The following NAV2 variants were observed in gnomAD, a reference collection of about 807,000 sequenced individuals.
NAV2 encodes helicase, APC down-regulated 1.
In NAV2, 54 loss-of-function variants were observed where a neutral mutation model predicts 223.2. That is an observed-to-expected ratio of 0.24 (90% CI 0.19 to 0.30). NAV2 has a LOEUF of 0.30. Ranked by LOEUF, NAV2 falls within the 10% of genes least tolerant of loss-of-function variation. The pLI is 1.00. For missense variants in NAV2, 2,806 were observed against 3,147.5 expected, an observed-to-expected ratio of 0.89 and a Z score of 2.60; for synonymous variants, 1,279 against 1,239.3, an observed-to-expected ratio of 1.03 and a Z score of -0.67.
intron 1 of NAV2, among the ~76,000 whole-genome samples, chr11:19,432,553 T>C (rs1174820645): frequency 6.6e-6 from 1 of 152,116 alleles, no homozygotes; most frequent in Admixed American, 6.5e-5. Context: ...AAAGGCGTCA[T>C]GGACAGTGAG....
chr11:20,033,817 G>A (rs1591759035), intron 11 of NAV2, among the ~76,000 whole-genome samples: 1 of 152,102 alleles, frequency 6.6e-6, no homozygotes. Context: ...GAACTTTGGG[G>A]TTATGTGTGT....
At chr11:19,438,941 T>C (rs1243621948) in intron 1 of NAV2, among the ~76,000 whole-genome samples, 1 of 152,064 alleles carries the variant, frequency 6.6e-6, no homozygotes, top group East Asian at 1.9e-4. Flanking sequence ...ATTGATTAAA[T>C]CATTGGCCAT....
intron 11 of NAV2, among the ~76,000 whole-genome samples, chr11:20,017,623 G>A (rs1367628589): frequency 6.6e-6 from 1 of 152,014 alleles, no homozygotes; most frequent in African/African-American, 2.4e-5. Context: ...CTTTTCCTCC[G>A]CCTTATATTC....
chr11:19,676,856 G>T (rs1455942782), intron 1 of NAV2, among the ~76,000 whole-genome samples: 1 of 152,154 alleles, frequency 6.6e-6, no homozygotes, highest in Non-Finnish European at 1.5e-5. Flanking sequence ...CTCTTTTTAC[G>T]GGGATAAAAG....
At chr11:19,401,110 C>T (rs1342268076) in intron 1 of NAV2, among the ~76,000 whole-genome samples, 1 of 152,192 alleles carries the variant, frequency 6.6e-6, no homozygotes, top group Non-Finnish European at 1.5e-5. Flanking sequence ...ACAATCAATG[C>T]TCTCAGTGCT....
At chr11:19,629,940 C>T (rs2047298241) in intron 1 of NAV2, among the ~76,000 whole-genome samples, 1 of 152,174 alleles carries the variant, frequency 6.6e-6, no homozygotes, top group Non-Finnish European at 1.5e-5. Context: ...TAATAATCCT[C>T]ATAAGCTGTC....
At position 19,976,207 on chromosome 11, in the gene NAV2, T is replaced by C. The variant is rs79104622; in HGVS notation, c.2646-7918T>C. ...GTGTGCACACAAATCACCTGGGGGG[T>C]TTATGGAAATGTTGAGTCTGATTTA... On this transcript the variant is annotated intron_variant, in intron 10 of 37. Coordinates refer to ENST00000349880, the MANE Select transcript of NAV2 (RefSeq NM_145117.5). 2.6e-3 allele frequency among the ~76,000 whole-genome samples: 395 copies of C among 151,628 alleles called. 3 individuals are homozygous for C. The East Asian group carries it at 0.044, about 17-fold the overall frequency.
At chr11:19,869,604 A>T (rs561652339) in intron 4 of NAV2, among the ~76,000 whole-genome samples, 1 of 152,170 alleles carries the variant, frequency 6.6e-6, no homozygotes, top group Non-Finnish European at 1.5e-5. Flanking sequence ...CTCAGACAAC[A>T]AGTCAGCCTG....
chr11:19,906,754 A>C (rs769296578), intron 6 of NAV2, among the ~76,000 whole-genome samples: 2 of 152,206 alleles, frequency 1.3e-5, no homozygotes, highest in Non-Finnish European at 1.5e-5. Context: ...TTGCTTTATG[A>C]GGCCCCTGTG....
At chr11:19,931,285 C>A (rs1355220191) in intron 6 of NAV2, among the ~76,000 whole-genome samples, 1 of 152,150 alleles carries the variant, frequency 6.6e-6, no homozygotes, top group African/African-American at 2.4e-5. Context: ...CCAACAACAC[C>A]CCTTGAGTTT....
At chr11:20,092,485 T>G in intron 28 of NAV2, 117 bp downstream of exon 28, 7 of 1,069,414 alleles carry the variant, frequency 6.5e-6, no homozygotes, top group Non-Finnish European at 8.2e-6. Context: ...AACAGGCGTG[T>G]GTGCACTTGG....
intron 1 of NAV2, among the ~76,000 whole-genome samples, chr11:19,491,955 AAGAGAGAGAGAGAG>A (rs150403869): frequency 6.6e-5 from 8 of 120,952 alleles, no homozygotes; most frequent in East Asian, 2.6e-4. Context: ...GGGAGACTCA[AAGAGAGAGAGAGAG>A]AGAGAGAGAG....
intron 1 of NAV2, among the ~76,000 whole-genome samples, chr11:19,816,535 T>C (rs184498809): frequency 1.3e-3 from 193 of 152,312 alleles, no homozygotes; most frequent in African/African-American, 4.4e-3. Flanking sequence ...CTCATTCAAT[T>C]CTTCATCTAA....
intron 6 of NAV2, among the ~76,000 whole-genome samples, chr11:19,919,299 C>T (rs1338453421): frequency 6.6e-6 from 1 of 150,858 alleles, no homozygotes; most frequent in African/African-American, 2.4e-5. Context: ...ATCTCGTAGC[C>T]ATGCACGTGG....
intron 29 of NAV2, 87 bp downstream of exon 29, chr11:20,093,286 A>G (rs1256339692): frequency 1.2e-6 from 1 of 859,586 alleles, no homozygotes; most frequent in Admixed American, 1.9e-5. Flanking sequence ...AACCTCTATC[A>G]CCTTGGAGCC....
intron 6 of NAV2, among the ~76,000 whole-genome samples, chr11:19,932,254 A>AG (rs2045428124): frequency 2.0e-5 from 3 of 149,394 alleles, no homozygotes; most frequent in Middle Eastern, 3.4e-3. Flanking sequence ...AAAAAAAAAA[A>AG]AAAAAAGAAA....
In NAV2 at chr11:19,933,232, T is replaced by C. The variant is rs1414451311; in HGVS notation, c.988T>C (p.Ser330Pro). ...CGGAATGAGTGACAATGCACCTGCT[T>C]CCTTGGAGAGCGGCAGCAGCTCCAC... ...HPGMSDNAPA[S>P]LESGSSSTPT... The change falls in exon 7 of 38, where the codon TCC (serine) becomes CCC (proline). Residue 330 changes from serine to proline, a missense_variant. Physicochemically the swap from Ser to Pro is moderately conservative, Grantham distance 74 (BLOSUM62 -1). This residue lies in a region of NAV2 where 1,167 missense variants were observed against 1,180.5 expected (regional missense o/e 0.99). Transcript: ENST00000349880. The surrounding 1 kb of genome is among the most constrained non-coding windows in gnomAD (Gnocchi z 4.3). 1.9e-6 allele frequency: 3 copies of C among 1,590,642 alleles called. No individual in the cohort carries two copies. The highest frequency in any genetic ancestry group is 3.5e-5 in the Admixed American group (2 of 56,408).
At chr11:19,710,062 G>T (rs972618883), upstream of NAV2, among the ~76,000 whole-genome samples, 1 of 152,216 alleles carries the variant, frequency 6.6e-6, no homozygotes, top group East Asian at 1.9e-4. Context: ...ATATTTGAGG[G>T]TCTCAGAACC....
chr11:19,694,105 G>A (rs972744058), intron 1 of NAV2, among the ~76,000 whole-genome samples: 2 of 152,174 alleles, frequency 1.3e-5, no homozygotes, highest in African/African-American at 4.8e-5. Context: ...GTTCCACAGA[G>A]GCAGACGCTA....
Sources: gnomAD v4.1 joint callset for allele counts (sites outside exome capture counted in the v4.1 genomes callset) on GRCh38, gnomAD v4.1.1 for gene constraint, gnomAD v4.1.1 regional missense constraint, Gnocchi (gnomAD v3.1) non-coding constraint, MANE v1.5 for transcripts, NCBI Gene and HGNC (gene_info 2026-07-23, HGNC 2026-07-21) for gene names.